Variants in FANCM observed in about 807,000 individuals in gnomAD.
FANCM encodes Fanconi anemia group M protein.
Under a neutral mutation model 199.5 loss-of-function variants are expected in FANCM, and 140 were observed. That is an observed-to-expected ratio of 0.70 (90% confidence interval 0.61 to 0.81). The LOEUF is 0.81. FANCM is among the 30% of genes least tolerant of loss of function. FANCM has a pLI of 0.00. For missense variants in FANCM, 2,410 were observed against 2,421.4 expected (o/e 1.00, Z 0.10); for synonymous variants, 840 against 836.8 (o/e 1.00, Z -0.07).
At position 45,181,426 on chromosome 14, in the gene FANCM, A is replaced by G. The variant is rs191128410; in HGVS notation, c.4223-4A>G. On this transcript the variant is annotated splice_polypyrimidine_tract_variant and splice_region_variant and intron_variant, in intron 14 of 22. Transcript: ENST00000267430. ...CATTCATTATTTTAAAAAATAAATT[A>G]TAGATGGACAATTATTAACAAGTAA... is the stretch of plus-strand genomic sequence containing the variant. The G allele has an allele frequency of 4.8e-5, 73 of 1,508,802 alleles. No individual in the cohort carries two copies. The highest frequency in any genetic ancestry group is 1.9e-4 in the Middle Eastern group (1 of 5,386). The allele number at this position is 1,508,802 out of a possible 1,614,324, so 93.5% of individuals were successfully genotyped here.
At chr14:45,147,544 C>G (rs1392505236) in intron 3 of FANCM, among the ~76,000 whole-genome samples, 1 of 152,088 alleles carries the variant, frequency 6.6e-6, no homozygotes, top group Non-Finnish European at 1.5e-5. Flanking sequence ...TGGCCTCCCA[C>G]AGCCCTGGGA....
At position 45,196,434 on chromosome 14, in the gene FANCM, A is replaced by G. The variant is rs764031097; in HGVS notation, c.5603A>G (p.Gln1868Arg). ...CGCATGGTGGTGGAAAGGAGGTCTC[A>G]ATCTGAGATGTTAAATAGTGTCAAT... ...SNRMVVERRS[Q>R]SEMLNSVNKN... The change falls in exon 21 of 23, where the codon CAA becomes CGA. Residue 1868 changes from glutamine (Q) to arginine (R), a missense_variant. Transcript: ENST00000267430. 91 of 1,614,058 alleles carry G rather than the reference A, an allele frequency of 5.6e-5. No homozygotes were observed. Among genetic ancestry groups the G allele is most frequent in the Non-Finnish European group, 7.6e-5 (90 of 1,180,016 alleles).
chr14:45,186,257 A>G (rs1014128176), intron 18 of FANCM, among the ~76,000 whole-genome samples: 2 of 152,318 alleles, frequency 1.3e-5, no homozygotes, highest in African/African-American at 4.8e-5. Context: ...ATCATCAGAG[A>G]CTAGAAGAAG....
intron 3 of FANCM, among the ~76,000 whole-genome samples, chr14:45,142,556 C>A (rs1321735756): frequency 6.6e-6 from 1 of 151,690 alleles, no homozygotes; most frequent in Non-Finnish European, 1.5e-5. Context: ...TCCACCCGCC[C>A]CGGCCTCCCA....
intron 22 of FANCM, among the ~76,000 whole-genome samples, chr14:45,199,192 G>A (rs892666488): frequency 1.4e-4 from 22 of 152,174 alleles, no homozygotes; most frequent in Admixed American, 1.3e-3. Flanking sequence ...ACAATAAATA[G>A]CAGTTTCCTT....
At position 45,148,948 on chromosome 14, in the gene FANCM, G is replaced by T. The variant is rs1566732276; in HGVS notation, c.871G>T (p.Val291Phe). ...TGAAAGAAAAGTTGAAAAGCTTATT[G>T]TTCCGCTTGGTGAAGAACTTGCAGC... ...SHERKVEKLI[V>F]PLGEELAAIQ... Residue 291 changes from valine (V) to phenylalanine (F), a missense_variant, in exon 4 of 23, where the codon GTT becomes TTT. Val to Phe is a conservative substitution (Grantham distance 50). Coordinates refer to ENST00000267430, the MANE Select transcript of FANCM (RefSeq NM_020937.4). 1.9e-6 allele frequency: 3 copies of T among 1,613,674 alleles called. No homozygotes were observed. Among genetic ancestry groups the T allele is most frequent in the African/African-American group, 1.3e-5 (1 of 74,892 alleles).
At chr14:45,193,758 CTT>C (rs1487690840) in intron 20 of FANCM, among the ~76,000 whole-genome samples, 1 of 150,802 alleles carries the variant, frequency 6.6e-6, no homozygotes, top group Non-Finnish European at 1.5e-5. Flanking sequence ...AGTTTTCTAA[CTT>C]TGTTTTTTTT....
At chr14:45,167,378 T>G in intron 11 of FANCM, 1 of 534,250 alleles carries the variant, frequency 1.9e-6, no homozygotes. Context: ...TTGGGGAAAA[T>G]TAAACATACC....
intron 5 of FANCM, among the ~76,000 whole-genome samples, chr14:45,153,503 A>G (rs1326507300): frequency 1.3e-5 from 2 of 152,200 alleles, no homozygotes; most frequent in African/African-American, 4.8e-5. Flanking sequence ...TATCTAACTT[A>G]TTTCCCATTT....
chr14:45,161,779 A>C (rs1359528480), intron 9 of FANCM, among the ~76,000 whole-genome samples: 1 of 152,084 alleles, frequency 6.6e-6, no homozygotes, highest in Non-Finnish European at 1.5e-5. Flanking sequence ...CCTGTCTCAA[A>C]AAAAGAAAAA....
chr14:45,183,981 C>A lies in FANCM; in HGVS notation c.4515+79C>A. On this transcript the variant is annotated intron_variant, in intron 17 of 22. Coordinates refer to ENST00000267430, the MANE Select transcript of FANCM (RefSeq NM_020937.4). The stretch of plus-strand genomic sequence containing the variant: ...ATTGGTTTTACATCAATGTAGATTT[C>A]TCTATACATTCTCTTTATAGAAAAA... 3.9e-6 allele frequency: 4 copies of A among 1,033,302 alleles called. No individual in the cohort carries two copies. The South Asian group carries it at 6.0e-5, about 16-fold the overall frequency. 64.0% of individuals were successfully genotyped at this position (1,033,302 alleles called of 1,614,324 possible). A position where few individuals can be genotyped will look rare whatever the true frequency, so the allele number is the denominator to read the frequency against.
chr14:45,161,542 G>A (rs1887607602), intron 9 of FANCM, among the ~76,000 whole-genome samples: 1 of 152,132 alleles, frequency 6.6e-6, no homozygotes, highest in African/African-American at 2.4e-5. Flanking sequence ...ACTTTGGGAG[G>A]CTAGGTTAGG....
chr14:45,154,060 A>G lies in FANCM; in HGVS notation c.1183+8A>G, dbSNP rs538172189. The G allele has an allele frequency of 3.2e-4, 483 of 1,518,918 alleles. 4 individuals are homozygous for G. The South Asian group carries it at 5.1e-3, about 16-fold the overall frequency. 94.1% of individuals were successfully genotyped at this position (1,518,918 alleles called of 1,614,324 possible). A position where few individuals can be genotyped will look rare whatever the true frequency, so the allele number is the denominator to read the frequency against. ...TTATGGATGGAACTAAAGGTAAATT[A>G]TATCAAATTATTTAAAGAAATAATG... is the stretch of plus-strand genomic sequence containing the variant. On this transcript the variant is annotated splice_region_variant and intron_variant, in intron 6 of 22. Transcript: ENST00000267430.
At chr14:45,140,032 TAAAAA>T (rs957509995) in intron 2 of FANCM, among the ~76,000 whole-genome samples, 1 of 151,642 alleles carries the variant, frequency 6.6e-6, no homozygotes, top group Non-Finnish European at 1.5e-5. Context: ...AAATGTAACT[TAAAAA>T]AAAATCTTTC....
At chr14:45,183,296 TTATCC>T (rs1889180861) in intron 16 of FANCM, among the ~76,000 whole-genome samples, 1 of 152,194 alleles carries the variant, frequency 6.6e-6, no homozygotes, top group South Asian at 2.1e-4. Flanking sequence ...TGGTTTTGTG[TTATCC>T]TATAAGAGAT....
chr14:45,188,757 A>G (rs2139294926), intron 19 of FANCM, 45 bp from the exon 20 acceptor site: 1 of 1,373,052 alleles, frequency 7.3e-7, no homozygotes, highest in Non-Finnish European at 1.0e-6. Flanking sequence ...AATACCTGTT[A>G]ATTGTCTGAA....
chr14:45,189,424 C>A, intron 20 of FANCM, 62 bp downstream of exon 20: 1 of 1,324,078 alleles, frequency 7.6e-7, no homozygotes, highest in Non-Finnish European at 1.1e-6. Flanking sequence ...CTTTTTCTTT[C>A]TTGTGTGTGT....
intron 11 of FANCM, 42 bp from the exon 12 acceptor site, chr14:45,170,547 A>G: frequency 6.7e-7 from 1 of 1,487,076 alleles, no homozygotes; most frequent in Non-Finnish European, 9.3e-7. Context: ...TGCTTTGCAG[A>G]TTTTTAAAAA....
rs1368919721 is a variant in FANCM at position 45,200,717 on chromosome 14, T to C, written c.*709T>C. 6.6e-6 allele frequency: 1 copy of C among 152,218 alleles called. No homozygotes were observed. Among genetic ancestry groups the C allele is most frequent in the Non-Finnish European group, 1.5e-5 (1 of 68,036 alleles). The allele number at this position is 152,218 out of a possible 1,614,324, so 9.4% of individuals were successfully genotyped here. A position where few individuals can be genotyped will look rare whatever the true frequency, so the allele number is the denominator to read the frequency against. ...CCCCATGCTGTTCTAGTGATAGTTC[T>C]CAGAGGATCTGATGGTTTTATAAGC... On this transcript the variant is annotated 3_prime_UTR_variant, in exon 23 of 23. Coordinates refer to ENST00000267430, the MANE Select transcript of FANCM (RefSeq NM_020937.4).
Sources: gnomAD v4.1 joint callset for allele counts (sites outside exome capture counted in the v4.1 genomes callset) on GRCh38, gnomAD v4.1.1 for gene constraint, MANE v1.5 for transcripts, NCBI Gene and HGNC (gene_info 2026-07-23, HGNC 2026-07-21) for gene names.